Variants in CNBD1 observed in about 807,000 individuals in gnomAD.
The protein encoded by CNBD1 is cyclic nucleotide-binding domain-containing protein 1.
In CNBD1, 71 loss-of-function variants were observed where a neutral mutation model predicts 54.4. That is an observed-to-expected ratio of 1.30 (90% CI 1.08 to 1.59). The LOEUF (loss-of-function observed/expected upper bound fraction) is 1.59. Among genes scored for constraint, CNBD1 ranks in the 40% most tolerant of loss-of-function variants. The pLI is 0.00. For missense variants in CNBD1, 659 were observed against 518.0 expected (o/e 1.27, Z -2.64); for synonymous variants, 182 against 170.7 (o/e 1.07, Z -0.51).
chr8:86,871,432 G>A (rs558961251), intron 1 of CNBD1, among the ~76,000 whole-genome samples: 2 of 152,296 alleles, frequency 1.3e-5, no homozygotes, highest in Non-Finnish European at 2.9e-5. Flanking sequence ...CTGATAGGAC[G>A]ATTAAACTTT....
At chr8:87,371,760 A>G (rs1035307015) in intron 10 of CNBD1, among the ~76,000 whole-genome samples, 1 of 152,026 alleles carries the variant, frequency 6.6e-6, no homozygotes, top group Non-Finnish European at 1.5e-5. Context: ...CAATAGATGC[A>G]GAAAAGGCCT....
chr8:87,170,031 T>C (rs1813052624), intron 4 of CNBD1, among the ~76,000 whole-genome samples: 1 of 152,130 alleles, frequency 6.6e-6, no homozygotes, highest in African/African-American at 2.4e-5. Flanking sequence ...CAATTTTGAT[T>C]CTTCTAATCC....
At position 87,407,956 on chromosome 8, in the gene CNBD1, G is replaced by T. The variant is rs142976120; in HGVS notation, c.214-20590G>T. 7.2e-5 allele frequency among the ~76,000 whole-genome samples: 11 copies of T among 151,992 alleles called. 1 individual carries two copies. The highest frequency in any genetic ancestry group is 3.4e-3 in the Middle Eastern group (1 of 292). ...AATTGTCTTCATGTTTTCATTAGATGAGATATTCTTAATTTTAATACAGTC... is the reference window on the plus strand; with the variant it reads ...AATTGTCTTCATGTTTTCATTAGATTAGATATTCTTAATTTTAATACAGTC... On this transcript the variant is annotated intron_variant, in intron 2 of 7. Transcript: ENST00000521593.
intron 2 of CNBD1, among the ~76,000 whole-genome samples, chr8:87,406,223 AC>A (rs1052298177): frequency 1.3e-5 from 2 of 152,058 alleles, no homozygotes; most frequent in African/African-American, 4.8e-5. Context: ...GTATAGGGAA[AC>A]TTTTTTAAAG....
chr8:87,314,647 A>G (rs1025773287), intron 8 of CNBD1, among the ~76,000 whole-genome samples: 1 of 152,050 alleles, frequency 6.6e-6, no homozygotes, highest in South Asian at 2.1e-4. Flanking sequence ...TTGATTATCT[A>G]TGGAAAGTCA....
intron 5 of CNBD1, among the ~76,000 whole-genome samples, chr8:87,225,164 A>G (rs1297498184): frequency 4.0e-5 from 6 of 149,950 alleles, no homozygotes; most frequent in Non-Finnish European, 8.9e-5. Context: ...GGGGTTTTCT[A>G]GATATACAAT....
chr8:86,953,866 C>CA (rs1807690387), intron 4 of CNBD1, among the ~76,000 whole-genome samples: 1 of 150,732 alleles, frequency 6.6e-6, no homozygotes, highest in African/African-American at 2.5e-5. Flanking sequence ...GACTCTGTCT[C>CA]AAAAAAATAA....
chr8:87,122,796 G>T (rs1355458260), intron 4 of CNBD1, among the ~76,000 whole-genome samples: 1 of 151,798 alleles, frequency 6.6e-6, no homozygotes, highest in African/African-American at 2.4e-5. Flanking sequence ...GCTTTCCCAA[G>T]AGCATAATCT....
chr8:87,265,643 G>A (rs1188987401), intron 6 of CNBD1, among the ~76,000 whole-genome samples: 1 of 152,126 alleles, frequency 6.6e-6, no homozygotes, highest in Non-Finnish European at 1.5e-5. Flanking sequence ...CAATCTTTGA[G>A]CTAAATCTAG....
chr8:87,342,146 A>G (rs982202077), intron 8 of CNBD1, among the ~76,000 whole-genome samples: 1 of 152,098 alleles, frequency 6.6e-6, no homozygotes, highest in Admixed American at 6.5e-5. Context: ...GGTGGCAGGC[A>G]TCTGTAGTCC....
rs201936600 is a variant in CNBD1 at position 87,109,520 on chromosome 8, GTTTCTTTC to G, written c.432-96457_432-96450del. ...TTGGAAAATTTAAAAGTCAGGGTTT[GTTTCTTTC>G]TTTCTTTCTTTCTTTTTTTTTTTTT... is the stretch of plus-strand genomic sequence containing the variant. On this transcript the variant is annotated intron_variant, in intron 4 of 10. Coordinates refer to ENST00000518476, the MANE Select transcript of CNBD1 (RefSeq NM_173538.3). Among the ~76,000 whole-genome samples the G allele has an allele frequency of 2.1e-5, 3 of 140,828 alleles. No homozygotes were observed. The East Asian group carries it at 6.1e-4, about 29-fold the overall frequency. The allele number at this position is 140,828 out of a possible 152,430, so 92.4% of individuals were successfully genotyped here.
chr8:87,412,297 A>G (rs964358848), intron 2 of CNBD1, among the ~76,000 whole-genome samples: 2 of 152,112 alleles, frequency 1.3e-5, no homozygotes, highest in African/African-American at 2.4e-5. Flanking sequence ...GTTAAAACTA[A>G]GATGAAATGA....
chr8:87,305,134 C>T (rs942347098), intron 8 of CNBD1, among the ~76,000 whole-genome samples: 15 of 151,800 alleles, frequency 9.9e-5, no homozygotes, highest in Non-Finnish European at 1.5e-5. Flanking sequence ...AGAATAAAAT[C>T]GAGAACTCAA....
At chr8:87,409,496 A>G (rs184225162) in intron 2 of CNBD1, among the ~76,000 whole-genome samples, 51 of 152,274 alleles carry the variant, frequency 3.3e-4, no homozygotes, top group African/African-American at 1.2e-3. Context: ...CAGGAGATAT[A>G]ACTAAGATCT....
intron 5 of CNBD1, among the ~76,000 whole-genome samples, chr8:87,216,673 C>G (rs1814218382): frequency 6.6e-6 from 1 of 152,130 alleles, no homozygotes; most frequent in Non-Finnish European, 1.5e-5. Context: ...CAAAATCTTA[C>G]TAGTTCTACA....
intron 8 of CNBD1, among the ~76,000 whole-genome samples, chr8:87,330,380 T>G (rs1563555705): frequency 6.6e-6 from 1 of 151,972 alleles, no homozygotes; most frequent in African/African-American, 2.4e-5. Flanking sequence ...GTTTTATTTT[T>G]TTTCTGTTTA....
intron 5 of CNBD1, among the ~76,000 whole-genome samples, chr8:87,230,247 C>A (rs1406201863): frequency 6.6e-6 from 1 of 152,160 alleles, no homozygotes; most frequent in African/African-American, 2.4e-5. Flanking sequence ...CCAATCACCT[C>A]CCACGGAGGC....
intron 1 of CNBD1, among the ~76,000 whole-genome samples, chr8:86,878,451 G>A (rs1040212764): frequency 5.9e-5 from 9 of 151,272 alleles, no homozygotes; most frequent in African/African-American, 1.9e-4. Context: ...TGCTGTCATC[G>A]TTTAAATTCC....
At chr8:87,120,649 T>C (rs1811870897) in intron 4 of CNBD1, among the ~76,000 whole-genome samples, 1 of 152,012 alleles carries the variant, frequency 6.6e-6, no homozygotes, top group African/African-American at 2.4e-5. Context: ...CAGTGTTAGA[T>C]TGTTCGTTTG....
Sources: allele counts gnomAD v4.1 joint callset (sites outside exome capture counted in the v4.1 genomes callset), GRCh38; gene constraint gnomAD v4.1.1; transcripts MANE v1.5; gene names NCBI Gene and HGNC (gene_info 2026-07-23, HGNC 2026-07-21).